SNTB2: variants seen among roughly 807,000 people sequenced by gnomAD.
The protein encoded by SNTB2 is beta-2-syntrophin.
SNTB2 carries 34 observed loss-of-function variants against 46.2 expected under a neutral mutation model. The observed-to-expected ratio is 0.74, with a 90% CI of 0.56 to 0.98. The LOEUF is 0.98. Ranked by LOEUF, SNTB2 falls within the 50% of genes least tolerant of loss-of-function variation. The probability of loss-of-function intolerance (pLI) is 0.00; values close to 1 mark genes in which losing one functional copy is unlikely to be tolerated. For missense variants in SNTB2, 603 were observed against 731.4 expected (o/e 0.82, Z 2.02); for synonymous variants, 290 against 312.6 (o/e 0.93, Z 0.76).
At chr16:69,295,533 C>T (rs375793553) in intron 5 of SNTB2, among the ~76,000 whole-genome samples, 1 of 152,156 alleles carries the variant, frequency 6.6e-6, no homozygotes. Flanking sequence ...CAGGCGTGAG[C>T]CACCGCGCCC....
At chr16:69,256,608 AT>A (rs1964779104) in intron 2 of SNTB2, among the ~76,000 whole-genome samples, 1 of 152,130 alleles carries the variant, frequency 6.6e-6, no homozygotes, top group Admixed American at 6.6e-5. Flanking sequence ...TACTAGTATA[AT>A]ATCCTCAATG....
intron 4 of SNTB2, among the ~76,000 whole-genome samples, chr16:69,281,904 T>TC: frequency 7.5e-6 from 1 of 133,716 alleles, no homozygotes. Context: ...TTTGTTTCTC[T>TC]CTTTTTTTTT....
rs1236921641 is a variant in SNTB2, at chr16:69,301,095, G to T, written c.*171G>T. On this transcript the variant is annotated 3_prime_UTR_variant, in exon 7 of 7. Coordinates refer to ENST00000336278, the MANE Select transcript of SNTB2 (RefSeq NM_006750.4). ...TTTAAAGAAGAGCCTACCTTTCACA[G>T]TCTACCTTGGCCAGATATTCTAGCA... 3.5e-6 allele frequency: 2 copies of T among 568,556 alleles called. No individual in the cohort carries two copies. Among genetic ancestry groups the T allele is most frequent in the African/African-American group, 1.9e-5 (1 of 53,330 alleles). The allele number at this position is 568,556 out of a possible 1,614,324, so 35.2% of individuals were successfully genotyped here. A position where few individuals can be genotyped will look rare whatever the true frequency, so the allele number is the denominator to read the frequency against.
At chr16:69,275,976 C>G (rs965548393) in intron 4 of SNTB2, among the ~76,000 whole-genome samples, 1 of 152,130 alleles carries the variant, frequency 6.6e-6, no homozygotes, top group African/African-American at 2.4e-5. Flanking sequence ...AACCAAAGCT[C>G]TGTACGTGTG....
chr16:69,284,909 A>C (rs970166223), intron 5 of SNTB2, among the ~76,000 whole-genome samples: 2 of 151,196 alleles, frequency 1.3e-5, no homozygotes, highest in African/African-American at 4.9e-5. Flanking sequence ...ACCCTGTTTC[A>C]AAAAAAAAGA....
intron 1 of SNTB2, among the ~76,000 whole-genome samples, chr16:69,228,748 T>C (rs1964481053): frequency 6.6e-6 from 1 of 152,114 alleles, no homozygotes; most frequent in South Asian, 2.1e-4. Context: ...ATACACATAC[T>C]AAGTGCCTAC....
At chr16:69,238,283 G>C (rs530758727) in intron 1 of SNTB2, among the ~76,000 whole-genome samples, 1 of 152,058 alleles carries the variant, frequency 6.6e-6, no homozygotes, top group Non-Finnish European at 1.5e-5. Flanking sequence ...CTCTCACATC[G>C]GTCTCTATAG....
chr16:69,268,325 A>G (rs1485349999), intron 3 of SNTB2, among the ~76,000 whole-genome samples: 1 of 151,972 alleles, frequency 6.6e-6, no homozygotes, highest in Non-Finnish European at 1.5e-5. Flanking sequence ...TTAGCTGGGC[A>G]TGGTGGTGGG....
At chr16:69,235,673 C>G (rs964730072) in intron 1 of SNTB2, 2 of 1,243,238 alleles carry the variant, frequency 1.6e-6, no homozygotes, top group Non-Finnish European at 2.1e-6. Context: ...ACCCTGGCAC[C>G]AATATGACAG....
intron 1 of SNTB2, among the ~76,000 whole-genome samples, chr16:69,215,018 T>G (rs1314918958): frequency 6.6e-6 from 1 of 151,716 alleles, no homozygotes; most frequent in Non-Finnish European, 1.5e-5. Context: ...TAATTCTGTA[T>G]TTTCAGTAGA....
At position 69,222,732 on chromosome 16, in the gene SNTB2, A is replaced by T. The variant is rs1964418716; in HGVS notation, c.581-22870A>T. ...AGGAAAGATACGTTTTATTAGTAATAAAGATGACTATTTTATCTCTTTTCC... is the reference window on the plus strand; with the variant it reads ...AGGAAAGATACGTTTTATTAGTAATTAAGATGACTATTTTATCTCTTTTCC... On this transcript the variant is annotated intron_variant, in intron 1 of 6. Transcript: ENST00000336278. 2.6e-5 allele frequency among the ~76,000 whole-genome samples: 4 copies of T among 152,210 alleles called. No homozygotes were observed. In the South Asian group the frequency reaches 8.3e-4, roughly 32 times the overall value.
chr16:69,283,586 G>T (rs1357705135), intron 4 of SNTB2, among the ~76,000 whole-genome samples: 1 of 152,156 alleles, frequency 6.6e-6, no homozygotes, highest in African/African-American at 2.4e-5. Flanking sequence ...TTGAAATGCA[G>T]TTAGCTATCC....
chr16:69,281,485 G>GTTTTTTTTT (rs575825315), intron 4 of SNTB2, among the ~76,000 whole-genome samples: 1 of 135,826 alleles, frequency 7.4e-6, no homozygotes, highest in African/African-American at 2.7e-5. Flanking sequence ...GTAAGGTCTG[G>GTTTTTTTTT]TTTTTTTTTT....
At position 69,302,799 on chromosome 16, in the gene SNTB2, T is replaced by C. The variant is rs1371277227; in HGVS notation, c.*1875T>C. 1 of 152,250 alleles carries C rather than the reference T, an allele frequency of 6.6e-6. No homozygotes were observed. Among genetic ancestry groups the C allele is most frequent in the Non-Finnish European group, 1.5e-5 (1 of 68,038 alleles). 9.4% of individuals were successfully genotyped at this position (152,250 alleles called of 1,614,324 possible). A position where few individuals can be genotyped will look rare whatever the true frequency, so the allele number is the denominator to read the frequency against. On this transcript the variant is annotated 3_prime_UTR_variant, in exon 7 of 7. Transcript: ENST00000336278. ...CTGCTTAAAACTGGAAATTAAAATCTAGACAAGAATATGTCTTTCAAGAGC... is the reference window on the plus strand; with the variant it reads ...CTGCTTAAAACTGGAAATTAAAATCCAGACAAGAATATGTCTTTCAAGAGC...
At chr16:69,258,133 G>C (rs1964796053) in intron 2 of SNTB2, among the ~76,000 whole-genome samples, 2 of 152,226 alleles carry the variant, frequency 1.3e-5, no homozygotes, top group Admixed American at 6.5e-5. Context: ...TCTGATGATA[G>C]TGCTTTTAGG....
intron 1 of SNTB2, among the ~76,000 whole-genome samples, chr16:69,209,040 C>T (rs772847422): frequency 6.6e-6 from 1 of 151,538 alleles, no homozygotes; most frequent in Non-Finnish European, 1.5e-5. Flanking sequence ...TGCAGTCGCC[C>T]GATCTCAGCT....
At chr16:69,225,486 G>A (rs1964449750) in intron 1 of SNTB2, among the ~76,000 whole-genome samples, 1 of 152,190 alleles carries the variant, frequency 6.6e-6, no homozygotes, top group Non-Finnish European at 1.5e-5. Context: ...TTGTTGTCTA[G>A]TGGAAAAACA....
At chr16:69,276,300 A>G (rs2143135379) in intron 4 of SNTB2, among the ~76,000 whole-genome samples, 1 of 152,220 alleles carries the variant, frequency 6.6e-6, no homozygotes, top group African/African-American at 2.4e-5. Flanking sequence ...ATGCCTTTGC[A>G]TGAACTCATC....
chr16:69,292,208 G>A lies in SNTB2; in HGVS notation c.1346-7382G>A, dbSNP rs550419324. Among the ~76,000 whole-genome samples, 39 of 150,178 alleles carry A rather than the reference G, an allele frequency of 2.6e-4. No homozygotes were observed. In the South Asian group the frequency reaches 6.1e-3, roughly 24 times the overall value. On this transcript the variant is annotated intron_variant, in intron 5 of 6. Transcript: ENST00000336278. ...GCCAAGATCACGCTATTGCACTCCA[G>A]CCTGGGCGACAGAGCGAGACTCTGT... is the stretch of plus-strand genomic sequence containing the variant.
Sources: gnomAD v4.1 joint callset for allele counts (sites outside exome capture counted in the v4.1 genomes callset) on GRCh38, gnomAD v4.1.1 for gene constraint, MANE v1.5 for transcripts, NCBI Gene and HGNC (gene_info 2026-07-23, HGNC 2026-07-21) for gene names.